Variants in MACROD2 observed in about 807,000 individuals in gnomAD.
The protein encoded by MACROD2 is mono-ADP ribosylhydrolase 2.
Under a neutral mutation model 70.4 loss-of-function variants are expected in MACROD2, and 36 were observed. The observed-to-expected ratio is 0.51, with a 90% confidence interval of 0.39 to 0.68. MACROD2 has a LOEUF of 0.68. MACROD2 is among the 30% of genes least tolerant of loss of function. The probability of loss-of-function intolerance (pLI) is 0.00; values close to 1 mark genes in which losing one functional copy is unlikely to be tolerated. For synonymous variants in MACROD2, 172 were observed against 178.8 expected, an observed-to-expected ratio of 0.96 and a Z score of 0.30; for missense variants, 496 against 538.4, an observed-to-expected ratio of 0.92 and a Z score of 0.78.
chr20:15,995,296 C>A (rs34718503), intron 15 of MACROD2, among the ~76,000 whole-genome samples: 1 of 151,808 alleles, frequency 6.6e-6, no homozygotes, highest in African/African-American at 2.4e-5. Context: ...TGGGCTCATC[C>A]CAAGCATAGA....
At chr20:15,882,429 A>G (rs987500047) in intron 9 of MACROD2, among the ~76,000 whole-genome samples, 3 of 152,106 alleles carry the variant, frequency 2.0e-5, no homozygotes, top group African/African-American at 7.2e-5. Context: ...TTATCTTGTG[A>G]AAAACATCTG....
intron 5 of MACROD2, among the ~76,000 whole-genome samples, chr20:14,706,310 A>C (rs373160861): frequency 1.4e-5 from 2 of 146,214 alleles, no homozygotes; most frequent in East Asian, 2.1e-4. Flanking sequence ...AAGATTCTAT[A>C]TTAAAAAAAA....
At chr20:15,086,100 T>C (rs2075746919) in intron 5 of MACROD2, among the ~76,000 whole-genome samples, 1 of 152,054 alleles carries the variant, frequency 6.6e-6, no homozygotes, top group Admixed American at 6.6e-5. Flanking sequence ...CCACATCTTG[T>C]TAAGTCCTCC....
At chr20:15,589,287 A>G (rs2048645853) in intron 8 of MACROD2, among the ~76,000 whole-genome samples, 1 of 152,202 alleles carries the variant, frequency 6.6e-6, no homozygotes, top group South Asian at 2.1e-4. Context: ...ATTCTGGGAG[A>G]TACAATTCAA....
rs944523335 is a variant in MACROD2, at chr20:14,970,231, G to A, written c.419-259709G>A. On this transcript the variant is annotated intron_variant, in intron 5 of 17. Coordinates refer to ENST00000684519, the MANE Select transcript of MACROD2 (RefSeq NM_001351661.2). ...CCATGATTCAATTGCCTTCTACCAG[G>A]TCCCTCCCATGACACCTGGGGATTA... Among the ~76,000 whole-genome samples the A allele has an allele frequency of 3.9e-5, 6 of 152,148 alleles. No individual in the cohort carries two copies. In the South Asian group the frequency reaches 8.3e-4, roughly 21 times the overall value.
intron 3 of MACROD2, among the ~76,000 whole-genome samples, chr20:14,479,492 C>A (rs2084637658): frequency 6.6e-6 from 1 of 152,150 alleles, no homozygotes; most frequent in Non-Finnish European, 1.5e-5. Flanking sequence ...AATGCTGGCC[C>A]TGGGTCACCT....
intron 3 of MACROD2, among the ~76,000 whole-genome samples, chr20:14,484,143 C>A (rs77213529): frequency 0.012 from 1,792 of 152,242 alleles, 30 homozygotes; most frequent in African/African-American, 0.041. Flanking sequence ...GTTCTCCAAG[C>A]TATACTTATG....
At chr20:15,681,399 A>G (rs766394277) in intron 8 of MACROD2, among the ~76,000 whole-genome samples, 3 of 152,222 alleles carry the variant, frequency 2.0e-5, no homozygotes, top group Non-Finnish European at 2.9e-5. Context: ...GCTCCTCAGA[A>G]AAGATCACCC....
At position 15,117,175 on chromosome 20, in the gene MACROD2, G is replaced by A. The variant is rs761819542; in HGVS notation, c.419-112765G>A. ...AAAATTTGTGTCCATGAGAGTGGAC[G>A]AATCATGGTAAAGAAAATAATGTGG... On this transcript the variant is annotated intron_variant, in intron 5 of 17. Transcript: ENST00000684519. Among the ~76,000 whole-genome samples, 5 of 152,266 alleles carry A rather than the reference G, an allele frequency of 3.3e-5. No individual in the cohort carries two copies. The East Asian group carries it at 5.8e-4, about 18-fold the overall frequency.
intron 5 of MACROD2, among the ~76,000 whole-genome samples, chr20:14,991,066 T>A (rs2074899617): frequency 6.6e-6 from 1 of 152,214 alleles, no homozygotes; most frequent in Admixed American, 6.5e-5. Flanking sequence ...TGTTGTAAAC[T>A]AGTTTCTTGC....
At chr20:15,338,328 T>C (rs923975877) in intron 6 of MACROD2, among the ~76,000 whole-genome samples, 15 of 151,738 alleles carry the variant, frequency 9.9e-5, no homozygotes, top group African/African-American at 3.7e-4. Flanking sequence ...TGCTGATGAA[T>C]TCCTTTCCCA....
chr20:14,036,830 C>A (rs1478164580), intron 2 of MACROD2, among the ~76,000 whole-genome samples: 1 of 152,172 alleles, frequency 6.6e-6, no homozygotes, highest in East Asian at 1.9e-4. Context: ...CGCCTAGCCA[C>A]TTTTGTGTTT....
intron 6 of MACROD2, among the ~76,000 whole-genome samples, chr20:15,256,361 G>A (rs1159269520): frequency 1.3e-5 from 2 of 151,988 alleles, no homozygotes; most frequent in Non-Finnish European, 2.9e-5. Flanking sequence ...TTGTTCTAGA[G>A]TTCTTGAGCT....
At chr20:14,240,664 G>T (rs1428075972) in intron 3 of MACROD2, among the ~76,000 whole-genome samples, 2 of 152,078 alleles carry the variant, frequency 1.3e-5, no homozygotes, top group Non-Finnish European at 2.9e-5. Flanking sequence ...ACAAAGAAAA[G>T]AACAAAAGAT....
At chr20:15,575,695 C>T (rs190796906) in intron 8 of MACROD2, among the ~76,000 whole-genome samples, 1 of 152,176 alleles carries the variant, frequency 6.6e-6, no homozygotes, top group Non-Finnish European at 1.5e-5. Flanking sequence ...TAAAACATTT[C>T]ATGGAAGCAT....
At chr20:14,959,579 G>C (rs910801642) in intron 5 of MACROD2, among the ~76,000 whole-genome samples, 1 of 151,694 alleles carries the variant, frequency 6.6e-6, no homozygotes, top group African/African-American at 2.4e-5. Flanking sequence ...TGGAACACAA[G>C]GGGATAACAT....
At chr20:14,666,012 T>G (rs2070732986) in intron 4 of MACROD2, among the ~76,000 whole-genome samples, 1 of 152,102 alleles carries the variant, frequency 6.6e-6, no homozygotes, top group Non-Finnish European at 1.5e-5. Flanking sequence ...CCTTTTTAAA[T>G]ATGCTTTTTA....
At chr20:14,103,376 G>A (rs912355905) in intron 3 of MACROD2, among the ~76,000 whole-genome samples, 3 of 152,142 alleles carry the variant, frequency 2.0e-5, no homozygotes, top group African/African-American at 7.2e-5. Flanking sequence ...CACTGCTTGG[G>A]CATTTGTTCC....
intron 10 of MACROD2, among the ~76,000 whole-genome samples, chr20:15,887,702 G>A (rs981221585): frequency 6.6e-6 from 1 of 152,094 alleles, no homozygotes; most frequent in Non-Finnish European, 1.5e-5. Context: ...TGAGCCTAAT[G>A]TATAATTTTA....
Sources: allele counts gnomAD v4.1 joint callset (sites outside exome capture counted in the v4.1 genomes callset), GRCh38; gene constraint gnomAD v4.1.1; transcripts MANE v1.5; gene names NCBI Gene and HGNC (gene_info 2026-07-23, HGNC 2026-07-21).